DIAPH1: variants seen among roughly 807,000 people sequenced by gnomAD.
The protein encoded by DIAPH1 is diaphanous related formin 1, also known as protein diaphanous homolog 1.
DIAPH1 carries 46 observed loss-of-function variants against 140.7 expected under a neutral mutation model. That is an observed-to-expected ratio of 0.33 (90% CI 0.26 to 0.42). The LOEUF (loss-of-function observed/expected upper bound fraction) is 0.42. Among genes scored for constraint, DIAPH1 ranks in the 10% least tolerant of loss-of-function variants. DIAPH1 has a pLI of 1.00. For missense variants in DIAPH1, 1,310 were observed against 1,558.7 expected, an observed-to-expected ratio of 0.84 and a Z score of 2.69; for synonymous variants, 565 against 551.6, an observed-to-expected ratio of 1.02 and a Z score of -0.34.
intron 18 of DIAPH1, among the ~76,000 whole-genome samples, chr5:141,555,378 G>C (rs1466964238): frequency 6.6e-6 from 1 of 152,154 alleles, no homozygotes; most frequent in Non-Finnish European, 1.5e-5. Context: ...CGGTGGGTTA[G>C]GAAGAACTCC....
rs758517099 is a variant in DIAPH1 at position 141,575,007 on chromosome 5, T to C, written c.1601A>G (p.Lys534Arg). Residue 534 changes from lysine to arginine, a missense_variant, in exon 15 of 28, where the codon AAA becomes AGA. Lys to Arg is a conservative substitution (Grantham distance 26). Around this residue, in one of 3 missense-constraint regions of DIAPH1, gnomAD observed 589 missense variants for 549.3 expected, o/e 1.07. Coordinates refer to ENST00000389054, the MANE Select transcript of DIAPH1 (RefSeq NM_005219.5). Reference sequence around the variant, plus strand: ...GGACACCTCTGCTTCCAGGTCCTGTTTCTCTGTGGCAATTTGCTGCTTTTC... The same window carrying C: ...GGACACCTCTGCTTCCAGGTCCTGTCTCTCTGTGGCAATTTGCTGCTTTTC... ...HSEKQQIATE[K>R]QDLEAEVSQL... 12 of 1,614,044 alleles carry C rather than the reference T, an allele frequency of 7.4e-6. No individual in the cohort carries two copies. Among genetic ancestry groups the C allele is most frequent in the Non-Finnish European group, 1.0e-5 (12 of 1,180,028 alleles).
At chr5:141,593,349 G>A (rs1036070897) in intron 1 of DIAPH1, among the ~76,000 whole-genome samples, 2 of 152,106 alleles carry the variant, frequency 1.3e-5, no homozygotes, top group Non-Finnish European at 2.9e-5. Context: ...GTAAAACGGA[G>A]GGTCTCTGGA....
intron 1 of DIAPH1, among the ~76,000 whole-genome samples, chr5:141,604,042 C>A (rs932383004): frequency 6.6e-6 from 1 of 152,090 alleles, no homozygotes; most frequent in Non-Finnish European, 1.5e-5. Flanking sequence ...AACTGCCAGT[C>A]CTTGCACTAT....
intron 18 of DIAPH1, chr5:141,535,989 A>T (rs1425477348): frequency 4.3e-6 from 2 of 470,042 alleles, no homozygotes; most frequent in Non-Finnish European, 8.8e-6. Flanking sequence ...TACAAAAGGT[A>T]CAAAGAACTA....
In DIAPH1 at chr5:141,516,455, A is replaced by G. The variant is rs1176008446; in HGVS notation, c.*396T>C. On this transcript the variant is annotated 3_prime_UTR_variant, in exon 28 of 28. Coordinates refer to ENST00000389054, the MANE Select transcript of DIAPH1 (RefSeq NM_005219.5). The stretch of plus-strand genomic sequence containing the variant: ...TCAGGGCCAGAGAAACCACAAAAGA[A>G]AAGCACAAATCCAGCAAGACTGACC... 1 of 291,200 alleles carries G rather than the reference A, an allele frequency of 3.4e-6. No individual in the cohort carries two copies. The highest frequency in any genetic ancestry group is 6.7e-6 in the Non-Finnish European group (1 of 148,472). The allele number at this position is 291,200 out of a possible 1,614,324, so 18.0% of individuals were successfully genotyped here.
At chr5:141,610,250 G>C (rs113284720) in intron 1 of DIAPH1, among the ~76,000 whole-genome samples, 3 of 151,982 alleles carry the variant, frequency 2.0e-5, no homozygotes, top group African/African-American at 7.3e-5. Flanking sequence ...TCCTGCCTCA[G>C]CCTCCCAAGT....
intron 17 of DIAPH1, chr5:141,571,702 A>C: frequency 1.5e-6 from 1 of 678,496 alleles, no homozygotes; most frequent in East Asian, 2.7e-5. Flanking sequence ...AGTTATACTG[A>C]TACAAAATAC....
chr5:141,584,960 G>GTT, intron 3 of DIAPH1, among the ~76,000 whole-genome samples: 2 of 145,120 alleles, frequency 1.4e-5, no homozygotes, highest in Admixed American at 6.9e-5. Context: ...TTCCTGGTGG[G>GTT]TTTTTTTTTT....
chr5:141,587,002 T>C (rs371485641), intron 3 of DIAPH1, 40 bp downstream of exon 3: 23 of 1,612,188 alleles, frequency 1.4e-5, no homozygotes, highest in Middle Eastern at 1.6e-4. Context: ...TGTCCATAAA[T>C]GCACAGGAAG....
chr5:141,596,046 T>C (rs1016999535), intron 1 of DIAPH1, among the ~76,000 whole-genome samples: 3 of 151,834 alleles, frequency 2.0e-5, no homozygotes, highest in African/African-American at 7.3e-5. Flanking sequence ...CAGCCAGGCA[T>C]GGGCCAGCCG....
intron 27 of DIAPH1, among the ~76,000 whole-genome samples, chr5:141,523,427 C>T (rs1485018307): frequency 6.6e-6 from 1 of 152,146 alleles, no homozygotes; most frequent in East Asian, 1.9e-4. Flanking sequence ...TGAAAGGGAA[C>T]TTATTCATTA....
intron 19 of DIAPH1, among the ~76,000 whole-genome samples, chr5:141,533,043 T>C (rs1003247670): frequency 6.6e-6 from 1 of 152,224 alleles, no homozygotes; most frequent in Non-Finnish European, 1.5e-5. Context: ...ACTGGTCTCA[T>C]TGTATCACTG....
At position 141,572,034 on chromosome 5, in the gene DIAPH1, C is replaced by A. The variant is rs1596376794; in HGVS notation, c.2365G>T (p.Ala789Ser). 6.2e-7 allele frequency: 1 copy of A among 1,612,072 alleles called. No individual in the cohort carries two copies. The highest frequency in any genetic ancestry group is 8.5e-7 in the Non-Finnish European group (1 of 1,178,132). Residue 789 changes from alanine (A) to serine (S), a missense_variant, in exon 17 of 28, where the codon GCT (alanine) becomes TCT (serine). Physicochemically the swap from Ala to Ser is moderately conservative, Grantham distance 99 (BLOSUM62 1). Transcript: ENST00000389054. The part of the protein sequence containing the change: ...LRRPNWSKLV[A>S]EDLSQDCFWT... ...AAGCAGTCCTGGGAGAGGTCCTCAG[C>A]CACAAGCTGTGGATAAAGGCAGGGT...
rs2099895166 is a variant in DIAPH1, at chr5:141,571,424, T to C, written c.2482+4A>G. The C allele has an allele frequency of 5.6e-6, 9 of 1,608,944 alleles. No homozygotes were observed. Among genetic ancestry groups the C allele is most frequent in the Non-Finnish European group, 7.6e-6 (9 of 1,177,260 alleles). The stretch of plus-strand genomic sequence containing the variant: ...CAAACTAAAAGGCTCTTTTGTATTC[T>C]TACCTTTGGAAGCTTCAGGAGCAAA... On this transcript the variant is annotated splice_donor_region_variant and intron_variant, in intron 18 of 27. Coordinates refer to ENST00000389054, the MANE Select transcript of DIAPH1 (RefSeq NM_005219.5).
intron 18 of DIAPH1, 69 bp downstream of exon 18, chr5:141,571,359 T>G (rs2099895153): frequency 7.7e-7 from 1 of 1,300,496 alleles, no homozygotes; most frequent in Admixed American, 2.1e-5. Flanking sequence ...GAGAAATTCC[T>G]TTATATCTAT....
intron 23 of DIAPH1, 74 bp from the exon 24 acceptor site, chr5:141,527,771 C>T (rs1179417220): frequency 2.0e-6 from 3 of 1,479,486 alleles, no homozygotes; most frequent in East Asian, 2.5e-5. Context: ...GCCTCAACAC[C>T]CCTTAGTTTC....
intron 24 of DIAPH1, 26 bp downstream of exon 24, chr5:141,527,547 A>G: frequency 6.2e-7 from 1 of 1,613,334 alleles, no homozygotes; most frequent in Non-Finnish European, 8.5e-7. Flanking sequence ...CCTAGGGAAC[A>G]ACTCCCTCCT....
chr5:141,616,654 C>T (rs2099902734), intron 1 of DIAPH1, among the ~76,000 whole-genome samples: 1 of 152,160 alleles, frequency 6.6e-6, no homozygotes. Flanking sequence ...ATTCTGATGC[C>T]TTGAGATAGG....
At chr5:141,556,156 G>A (rs1352211106) in intron 18 of DIAPH1, among the ~76,000 whole-genome samples, 6 of 152,124 alleles carry the variant, frequency 3.9e-5, no homozygotes, top group African/African-American at 1.4e-4. Context: ...TCAAGGGAAG[G>A]ACTAGCGATA....
Sources: gnomAD v4.1 joint callset for allele counts (sites outside exome capture counted in the v4.1 genomes callset) on GRCh38, gnomAD v4.1.1 for gene constraint, gnomAD v4.1.1 regional missense constraint, MANE v1.5 for transcripts, NCBI Gene and HGNC (gene_info 2026-07-23, HGNC 2026-07-21) for gene names.